Variants in TPTE2 observed in about 807,000 individuals in gnomAD.
TPTE2 encodes transmembrane phosphoinositide 3-phosphatase and tensin homolog 2.
TPTE2 carries 53 observed loss-of-function variants against 78.6 expected under a neutral mutation model. The ratio of observed to expected loss-of-function variants is 0.67; its 90% CI spans 0.54 to 0.85. TPTE2 has a LOEUF of 0.85. Ranked by LOEUF, TPTE2 falls within the 40% of genes least tolerant of loss-of-function variation. The pLI, the probability that TPTE2 is intolerant of heterozygous loss-of-function variation, is 0.00. For missense variants in TPTE2, 461 were observed against 623.0 expected (o/e 0.74, Z 2.77); for synonymous variants, 175 against 206.2 (o/e 0.85, Z 1.30).
intron 1 of TPTE2, among the ~76,000 whole-genome samples, chr13:19,498,443 A>G (rs559573520): frequency 1.1e-4 from 16 of 152,176 alleles, no homozygotes; most frequent in African/African-American, 2.4e-4. Context: ...GACTAACAGC[A>G]GATCTCTCGG....
chr13:19,519,989 TA>T (rs35436689), intron 1 of TPTE2, among the ~76,000 whole-genome samples: 20,881 of 152,060 alleles, frequency 0.14, 1,612 homozygotes, highest in African/African-American at 0.2. Context: ...GTTTTGGTCT[TA>T]TTTTTTAATG....
At chr13:19,433,442 G>A (rs1461969334) in intron 15 of TPTE2, among the ~76,000 whole-genome samples, 1 of 152,212 alleles carries the variant, frequency 6.6e-6, no homozygotes, top group South Asian at 2.1e-4. Context: ...GGTCGAGGTT[G>A]CAGTGAGCTG....
At chr13:19,437,813 A>G (rs1877208828) in intron 14 of TPTE2, among the ~76,000 whole-genome samples, 1 of 152,034 alleles carries the variant, frequency 6.6e-6, no homozygotes. Flanking sequence ...TTGCATTAAA[A>G]TTATTTATTT....
At chr13:19,459,141 T>C (rs1878728146) in intron 10 of TPTE2, among the ~76,000 whole-genome samples, 1 of 152,162 alleles carries the variant, frequency 6.6e-6, no homozygotes, top group African/African-American at 2.4e-5. Flanking sequence ...TATCTCATTG[T>C]GGTTTTGTTT....
chr13:19,446,637 A>C (rs1877855331), intron 13 of TPTE2, among the ~76,000 whole-genome samples: 1 of 152,230 alleles, frequency 6.6e-6, no homozygotes, highest in African/African-American at 2.4e-5. Context: ...AAATTTTACT[A>C]TATTCAAAAT....
intron 1 of TPTE2, among the ~76,000 whole-genome samples, chr13:19,527,134 C>T (rs1870553068): frequency 6.6e-6 from 1 of 151,980 alleles, no homozygotes; most frequent in Non-Finnish European, 1.5e-5. Context: ...GGCAAAACCG[C>T]ATCTCTACAA....
At chr13:19,467,780 A>T (rs1044589932) in intron 6 of TPTE2, among the ~76,000 whole-genome samples, 5 of 151,688 alleles carry the variant, frequency 3.3e-5, no homozygotes, top group Non-Finnish European at 5.9e-5. Context: ...GGCGTTACTC[A>T]TTCTATTTTT....
intron 10 of TPTE2, chr13:19,458,786 T>C: frequency 2.7e-6 from 1 of 370,446 alleles, no homozygotes; most frequent in South Asian, 2.1e-5. Context: ...TCCCACTCTA[T>C]GTACCATATT....
Position 19,492,806 on chromosome 13 carries a change from T to C in TPTE2, c.119+44A>G, listed in dbSNP as rs149765489. 12 of 1,611,042 alleles carry C rather than the reference T, an allele frequency of 7.4e-6. 1 individual carries two copies. Among genetic ancestry groups the C allele is most frequent in the Middle Eastern group, 1.7e-4 (1 of 6,048 alleles). On this transcript the variant is annotated intron_variant, in intron 3 of 19. Transcript: ENST00000400230. ...TGTGCTTGGTGTGTGTACAGCTCTATGCACTCTTATGCATACGTGTGTCTT... is the reference window on the plus strand; with the variant it reads ...TGTGCTTGGTGTGTGTACAGCTCTACGCACTCTTATGCATACGTGTGTCTT...
exon 2 of TPTE2, chr13:19,493,478 C>T: frequency 6.2e-7 from 1 of 1,613,684 alleles, no homozygotes; most frequent in Non-Finnish European, 8.5e-7. Context: ...CTCGGTTGTT[C>T]CTTTAAATTC....
chr13:19,468,068 T>G (rs1419187642), intron 6 of TPTE2, among the ~76,000 whole-genome samples: 2 of 116,450 alleles, frequency 1.7e-5, no homozygotes, highest in Non-Finnish European at 3.3e-5. Context: ...TGAGATGGAG[T>G]TTCACTCAGC....
chr13:19,435,254 G>A (rs1876984876), intron 15 of TPTE2, among the ~76,000 whole-genome samples: 1 of 152,200 alleles, frequency 6.6e-6, no homozygotes, highest in African/African-American at 2.4e-5. Flanking sequence ...CTACAAATTT[G>A]ATATGAAGGA....
chr13:19,466,405 G>T (rs1427696666), intron 7 of TPTE2, among the ~76,000 whole-genome samples: 1 of 152,182 alleles, frequency 6.6e-6, no homozygotes, highest in African/African-American at 2.4e-5. Flanking sequence ...GGCCTGAGCT[G>T]TAGTCCAGGG....
At chr13:19,516,592 T>C (rs1339916459) in intron 1 of TPTE2, among the ~76,000 whole-genome samples, 3 of 152,182 alleles carry the variant, frequency 2.0e-5, no homozygotes, top group Non-Finnish European at 2.9e-5. Flanking sequence ...TAAAAACCCA[T>C]TTGTGATCTT....
intron 10 of TPTE2, among the ~76,000 whole-genome samples, chr13:19,453,538 C>CATATATAT (rs56140648): frequency 0.023 from 3,184 of 139,900 alleles, 66 homozygotes; most frequent in Middle Eastern, 0.039. Flanking sequence ...ATTTTATAAT[C>CATATATAT]ATATATATAT....
chr13:19,480,931 T>C (rs1880309515), intron 4 of TPTE2, among the ~76,000 whole-genome samples: 1 of 152,144 alleles, frequency 6.6e-6, no homozygotes, highest in Non-Finnish European at 1.5e-5. Flanking sequence ...TGTAAAAAAC[T>C]TAATTGTTCA....
At chr13:19,506,272 C>T (rs1377448814), upstream of TPTE2, among the ~76,000 whole-genome samples, 11 of 143,822 alleles carry the variant, frequency 7.6e-5, no homozygotes, top group South Asian at 4.6e-4. Context: ...CCCAGGTTCA[C>T]GCCATTCTCC....
At chr13:19,475,221 TA>T (rs1027733328) in intron 5 of TPTE2, among the ~76,000 whole-genome samples, 3 of 152,018 alleles carry the variant, frequency 2.0e-5, no homozygotes, top group Admixed American at 1.3e-4. Context: ...GAGACTCATA[TA>T]TTTTTTTTTC....
At chr13:19,560,791 A>T in the TPTE2 span, 1,082,229 of 1,462,428 alleles carry the variant, frequency 0.74, 408,687 homozygotes, top group East Asian at 0.9. Context: ...CACCTCTGGC[A>T]CCGCTTGTAC....
Sources: allele counts gnomAD v4.1 joint callset (sites outside exome capture counted in the v4.1 genomes callset), GRCh38; gene constraint gnomAD v4.1.1; transcripts MANE v1.5; gene names NCBI Gene and HGNC (gene_info 2026-07-23, HGNC 2026-07-21).